Variants in CSMD2 observed in about 807,000 individuals in gnomAD.
The protein encoded by CSMD2 is CUB and sushi domain-containing protein 2.
In CSMD2, 130 loss-of-function variants were observed where a neutral mutation model predicts 398.5. That is an observed-to-expected ratio of 0.33 (90% CI 0.28 to 0.38). CSMD2 has a LOEUF of 0.38. Among genes scored for constraint, CSMD2 ranks in the 10% least tolerant of loss-of-function variants. The pLI, the probability that CSMD2 is intolerant of heterozygous loss-of-function variation, is 1.00. For synonymous variants in CSMD2, 1,828 were observed against 1,908.5 expected (o/e 0.96, Z 1.10); for missense variants, 3,829 against 4,764.9 (o/e 0.80, Z 5.78).
rs530288855 is a variant in CSMD2 at position 33,890,801 on chromosome 1, T to G, written c.920+27293A>C. ...AGAAAAACAAGCAATGGGGAAAGGA[T>G]TCCCTATTTAATAAATGGTACTGGG... On this transcript the variant is annotated intron_variant, in intron 5 of 70. Transcript: ENST00000373381. Among the ~76,000 whole-genome samples, 142 of 152,114 alleles carry G rather than the reference T, an allele frequency of 9.3e-4. 2 individuals are homozygous for G. The highest frequency in any genetic ancestry group is 3.4e-3 in the Middle Eastern group (1 of 294).
chr1:33,549,190 A>AGT (rs1657187049), intron 56 of CSMD2, among the ~76,000 whole-genome samples: 1 of 152,224 alleles, frequency 6.6e-6, no homozygotes, highest in Non-Finnish European at 1.5e-5. Flanking sequence ...ACAGTGGCAC[A>AGT]TCTTATGGGT....
intron 5 of CSMD2, among the ~76,000 whole-genome samples, chr1:33,902,233 T>C (rs1642803670): frequency 6.6e-6 from 1 of 151,924 alleles, no homozygotes; most frequent in Non-Finnish European, 1.5e-5. Context: ...AAGTTGGGGG[T>C]GTAACTGAGA....
At chr1:34,054,671 C>T (rs12141227) in intron 2 of CSMD2, among the ~76,000 whole-genome samples, 5,895 of 152,152 alleles carry the variant, frequency 0.039, 156 homozygotes, top group East Asian at 0.13. Context: ...ACCCGGGAGG[C>T]GGAGCTTGCA....
At chr1:33,660,543 G>A (rs915307604) in intron 26 of CSMD2, among the ~76,000 whole-genome samples, 2 of 152,174 alleles carry the variant, frequency 1.3e-5, no homozygotes, top group Non-Finnish European at 2.9e-5. Context: ...GGGGTGAGCC[G>A]TTCTCTCTTC....
intron 3 of CSMD2, among the ~76,000 whole-genome samples, chr1:33,977,848 G>T (rs1348412090): frequency 6.6e-6 from 1 of 152,052 alleles, no homozygotes; most frequent in Admixed American, 6.6e-5. Flanking sequence ...GGACATAAAA[G>T]GATATAAACA....
intron 49 of CSMD2, among the ~76,000 whole-genome samples, chr1:33,576,863 C>T (rs1221303116): frequency 1.3e-5 from 2 of 151,122 alleles, no homozygotes; most frequent in African/African-American, 4.9e-5. Context: ...AGGGAAAAAA[C>T]TGTCATAAAT....
In CSMD2 at chr1:33,620,871, G is replaced by A. The variant is rs884822; in HGVS notation, c.5827+1296C>T. Among the ~76,000 whole-genome samples, 897 of 143,564 alleles carry A rather than the reference G, an allele frequency of 6.2e-3. 11 individuals are homozygous for A. Among genetic ancestry groups the A allele is most frequent in the Middle Eastern group, 0.034 (9 of 264 alleles). The allele number at this position is 143,564 out of a possible 152,430, so 94.2% of individuals were successfully genotyped here. On this transcript the variant is annotated intron_variant, in intron 37 of 70. Coordinates refer to ENST00000373381, the MANE Select transcript of CSMD2 (RefSeq NM_001281956.2). ...AGTTCTTTCAGGTGATGAGCATCCT[G>A]GGACCTGTTTAATTCTTTCTGAAGC...
chr1:34,152,441 C>T (rs1640411434), intron 1 of CSMD2, among the ~76,000 whole-genome samples: 2 of 152,272 alleles, frequency 1.3e-5, no homozygotes, highest in South Asian at 4.1e-4. Flanking sequence ...GGCTGCCGGC[C>T]AAGCCAGCCA....
At chr1:34,007,085 A>G (rs576694414) in intron 3 of CSMD2, among the ~76,000 whole-genome samples, 2 of 152,138 alleles carry the variant, frequency 1.3e-5, no homozygotes, top group African/African-American at 4.8e-5. Context: ...GAACCTAAAA[A>G]AGGACCTTTA....
intron 7 of CSMD2, 22 bp from the exon 8 acceptor site, chr1:33,820,578 A>G (rs540157142): frequency 8.4e-7 from 1 of 1,185,438 alleles, no homozygotes; most frequent in Non-Finnish European, 1.2e-6. Flanking sequence ...AAAAAAAAAA[A>G]AAAAAAAAAA....
chr1:33,701,162 C>T (rs1181826228), intron 22 of CSMD2, among the ~76,000 whole-genome samples: 1 of 152,192 alleles, frequency 6.6e-6, no homozygotes, highest in African/African-American at 2.4e-5. Context: ...TGGCAGTAGC[C>T]TGTCTTGAGC....
chr1:33,952,489 A>G (rs1477815179), intron 3 of CSMD2, among the ~76,000 whole-genome samples: 1 of 152,178 alleles, frequency 6.6e-6, no homozygotes, highest in African/African-American at 2.4e-5. Context: ...ACCTCCTCAG[A>G]GAAGCCTACC....
chr1:34,103,492 G>C (rs957835810), intron 1 of CSMD2, among the ~76,000 whole-genome samples: 1 of 151,908 alleles, frequency 6.6e-6, no homozygotes, highest in South Asian at 2.1e-4. Flanking sequence ...TAGAGACGGG[G>C]TTTCACCGTG....
At position 33,680,819 on chromosome 1, in the gene CSMD2, A is replaced by G. The variant is rs569812255; in HGVS notation, c.4052+12111T>C. 2.0e-5 allele frequency among the ~76,000 whole-genome samples: 3 copies of G among 146,822 alleles called. No individual in the cohort carries two copies. The East Asian group carries it at 6.2e-4, about 30-fold the overall frequency. ...TGAAGTGTGTGAAAAATTAACCTTT[A>G]TTGTGTTAAACCACTGAGATTTGGG... On this transcript the variant is annotated intron_variant, in intron 25 of 70. Transcript: ENST00000373381.
chr1:33,699,775 C>T (rs1314441143), intron 23 of CSMD2, among the ~76,000 whole-genome samples: 2 of 152,200 alleles, frequency 1.3e-5, no homozygotes, highest in African/African-American at 2.4e-5. Context: ...ACAGCTATTG[C>T]CATAATCAGT....
intron 5 of CSMD2, among the ~76,000 whole-genome samples, chr1:33,892,991 T>C (rs1409951128): frequency 1.6e-4 from 25 of 152,234 alleles, no homozygotes; most frequent in Admixed American, 1.6e-3. Context: ...AAAGGGTTCA[T>C]GTTATCCTAT....
chr1:33,964,513 A>G (rs1279931400), intron 3 of CSMD2, among the ~76,000 whole-genome samples: 1 of 152,250 alleles, frequency 6.6e-6, no homozygotes, highest in Non-Finnish European at 1.5e-5. Context: ...CAGAGGTTCT[A>G]GAAGCCTTAA....
At chr1:33,771,214 C>T (rs534574805) in intron 13 of CSMD2, among the ~76,000 whole-genome samples, 2 of 152,288 alleles carry the variant, frequency 1.3e-5, no homozygotes, top group South Asian at 4.1e-4. Context: ...CCTTTATCTT[C>T]TCAGGCCCTG....
chr1:33,692,444 G>C lies in CSMD2; in HGVS notation c.4052+486C>G, dbSNP rs532034176. 3.3e-5 allele frequency among the ~76,000 whole-genome samples: 5 copies of C among 152,222 alleles called. No individual in the cohort carries two copies. In the South Asian group the frequency reaches 8.3e-4, roughly 25 times the overall value. On this transcript the variant is annotated intron_variant, in intron 25 of 70. Transcript: ENST00000373381. ...GGGCCATACAGCTAAAGCTGAGTTA[G>C]TGCTTGCTAACTGTCAGAAATAACC...
Sources: gnomAD v4.1 joint callset for allele counts (sites outside exome capture counted in the v4.1 genomes callset) on GRCh38, gnomAD v4.1.1 for gene constraint, MANE v1.5 for transcripts, NCBI Gene and HGNC (gene_info 2026-07-23, HGNC 2026-07-21) for gene names.